The following COL4A1 variants were observed in gnomAD, a reference collection of about 807,000 sequenced individuals.
The protein encoded by COL4A1 is collagen alpha-1(IV) chain.
Under a neutral mutation model 216.6 loss-of-function variants are expected in COL4A1, and 40 were observed. That is an observed-to-expected ratio of 0.18 (90% CI 0.14 to 0.24). The LOEUF is 0.24. Ranked by LOEUF, COL4A1 falls within the 10% of genes least tolerant of loss-of-function variation. The pLI, the probability that COL4A1 is intolerant of heterozygous loss-of-function variation, is 1.00. For synonymous variants in COL4A1, 839 were observed against 810.7 expected (o/e 1.03, Z -0.59); for missense variants, 1,628 against 2,196.8 (o/e 0.74, Z 5.18).
At chr13:110,192,430 C>T in intron 23 of COL4A1, 146 bp from the exon 24 acceptor site, 1 of 825,440 alleles carries the variant, frequency 1.2e-6, no homozygotes. Context: ...AACTAAAATG[C>T]CCAAGACGGA....
intron 19 of COL4A1, 176 bp downstream of exon 19, chr13:110,201,258 GAGGA>G (rs1879185629): frequency 1.7e-6 from 1 of 571,988 alleles, no homozygotes; most frequent in African/African-American, 2.0e-5. Context: ...GGAGGAGGAA[GAGGA>G]GAAAGAGGAG....
Position 110,207,365 on chromosome 13 carries a change from T to C in COL4A1, c.780+38A>G. On this transcript the variant is annotated intron_variant, in intron 13 of 51. Transcript: ENST00000375820. This position sits in a 1 kb window ranked among gnomAD's most constrained non-coding sequence, Gnocchi z 4.4. ...TTTATCTTTTGGAATTTGTCCAAAA[T>C]TAGAAAATCAGTATTCACTGATGAA... The C allele has an allele frequency of 6.5e-7, 1 of 1,549,978 alleles. No individual in the cohort carries two copies. Among genetic ancestry groups the C allele is most frequent in the Non-Finnish European group, 8.9e-7 (1 of 1,121,444 alleles).
chr13:110,162,175 G>A (rs1004293546), intron 48 of COL4A1, 55 bp downstream of exon 48: 22 of 1,501,424 alleles, frequency 1.5e-5, no homozygotes, highest in East Asian at 4.5e-5. Context: ...ACTGCACACC[G>A]AAGGCACTCA....
At chr13:110,202,092 T>C (rs1879278310) in intron 18 of COL4A1, among the ~76,000 whole-genome samples, 1 of 152,176 alleles carries the variant, frequency 6.6e-6, no homozygotes. Context: ...TTTGTAATAG[T>C]TTGCCTGGCA....
rs1483877011 is a variant in COL4A1 at position 110,207,297 on chromosome 13, G to A, written c.780+106C>T. 1 of 966,496 alleles carries A rather than the reference G, an allele frequency of 1.0e-6. No homozygotes were observed. The allele number at this position is 966,496 out of a possible 1,614,324, so 59.9% of individuals were successfully genotyped here. A position where few individuals can be genotyped will look rare whatever the true frequency, so the allele number is the denominator to read the frequency against. ...TCTATAAATCTGTTTTCCAGACCAG[G>A]ATTGAATGTAGCTGGAAAAACTGAG... On this transcript the variant is annotated intron_variant, in intron 13 of 51. Transcript: ENST00000375820. This position sits in a 1 kb window ranked among gnomAD's most constrained non-coding sequence, Gnocchi z 4.4.
At position 110,211,778 on chromosome 13, in the gene COL4A1, T is replaced by C; in HGVS notation, c.441+91A>G. Reference sequence around the variant, plus strand: ...ATATAAAATATAAGTTATTAAAACATAAGCAAAGAAAGAAAGAAAAGGAAA... The same window carrying C: ...ATATAAAATATAAGTTATTAAAACACAAGCAAAGAAAGAAAGAAAAGGAAA... On this transcript the variant is annotated intron_variant, in intron 7 of 51. Transcript: ENST00000375820. This position sits in a 1 kb window ranked among gnomAD's most constrained non-coding sequence, Gnocchi z 4.3. The C allele has an allele frequency of 6.7e-7, 1 of 1,499,084 alleles. No individual in the cohort carries two copies. The highest frequency in any genetic ancestry group is 9.2e-7 in the Non-Finnish European group (1 of 1,087,902). 92.9% of individuals were successfully genotyped at this position (1,499,084 alleles called of 1,614,324 possible). A position where few individuals can be genotyped will look rare whatever the true frequency, so the allele number is the denominator to read the frequency against.
At chr13:110,177,767 G>A in intron 33 of COL4A1, 75 bp downstream of exon 33, 6 of 1,485,284 alleles carry the variant, frequency 4.0e-6, no homozygotes, top group Non-Finnish European at 5.6e-6. Context: ...TATGATCTAT[G>A]ACAACTTGAG....
At chr13:110,235,035 T>C (rs73613422) in intron 2 of COL4A1, among the ~76,000 whole-genome samples, 2,578 of 152,310 alleles carry the variant, frequency 0.017, 62 homozygotes, top group African/African-American at 0.058. Context: ...TTTTATGGTA[T>C]ATATTTCACA....
chr13:110,175,729 T>C (rs966074533), intron 36 of COL4A1, among the ~76,000 whole-genome samples: 6 of 152,234 alleles, frequency 3.9e-5, no homozygotes, highest in African/African-American at 1.2e-4. Flanking sequence ...ACAGGGACTA[T>C]GAGGCGGGCA....
chr13:110,181,403 T>TA lies in COL4A1; in HGVS notation c.2096-15_2096-14insT. 2 of 1,572,920 alleles carry TA rather than the reference T, an allele frequency of 1.3e-6. No homozygotes were observed. Among genetic ancestry groups the TA allele is most frequent in the Non-Finnish European group, 8.7e-7 (1 of 1,149,130 alleles). ...AGCCGTCAACACCTGTTTTAAAGAG[T>TA]CAAAAAAAAAAAACAAACAAACAAT... On this transcript the variant is annotated splice_polypyrimidine_tract_variant and intron_variant, in intron 28 of 51. Transcript: ENST00000375820.
chr13:110,166,327 T>C, intron 44 of COL4A1, 24 bp from the exon 45 acceptor site: 1 of 1,468,464 alleles, frequency 6.8e-7, no homozygotes, highest in Non-Finnish European at 9.5e-7. Flanking sequence ...GAAAGCACTG[T>C]CTTGCACAGA....
chr13:110,296,615 C>T (rs1197889375), intron 1 of COL4A1, among the ~76,000 whole-genome samples: 1 of 152,202 alleles, frequency 6.6e-6, no homozygotes, highest in East Asian at 1.9e-4. Flanking sequence ...GCAATCATTT[C>T]TTCAGGGGAG....
intron 1 of COL4A1, among the ~76,000 whole-genome samples, chr13:110,301,326 C>T (rs1175056979): frequency 6.6e-6 from 1 of 152,218 alleles, no homozygotes; most frequent in Non-Finnish European, 1.5e-5. Flanking sequence ...CTGTGTCGGG[C>T]ACTCTCCCAA....
chr13:110,161,071 A>G, intron 49 of COL4A1, 121 bp downstream of exon 49: 1 of 1,074,158 alleles, frequency 9.3e-7, no homozygotes, highest in South Asian at 1.4e-5. Flanking sequence ...GAATATCACA[A>G]ATAATAAGCT....
At chr13:110,163,737 G>A (rs1877193630) in intron 46 of COL4A1, among the ~76,000 whole-genome samples, 176 bp from the exon 47 acceptor site, 1 of 152,142 alleles carries the variant, frequency 6.6e-6, no homozygotes, top group African/African-American at 2.4e-5. Context: ...TACAGACTTT[G>A]CAGAAGCAGC....
intron 2 of COL4A1, among the ~76,000 whole-genome samples, chr13:110,220,364 G>A (rs1000212083): frequency 3.9e-5 from 6 of 152,116 alleles, no homozygotes; most frequent in Non-Finnish European, 5.9e-5. Flanking sequence ...AGGCAAAATG[G>A]TCTAACACAA....
Position 110,205,846 on chromosome 13 carries a change from G to C in COL4A1, c.859-308C>G, listed in dbSNP as rs542289518. On this transcript the variant is annotated intron_variant, in intron 15 of 51. Coordinates refer to ENST00000375820, the MANE Select transcript of COL4A1 (RefSeq NM_001845.6). ...CCATTGCACTCCAGCCTGGGCAACA[G>C]AGTGAGACTCTGTCTCAAATATATA... 3.3e-5 allele frequency among the ~76,000 whole-genome samples: 5 copies of C among 152,082 alleles called. No individual in the cohort carries two copies. In the South Asian group the frequency reaches 1.0e-3, roughly 32 times the overall value.
intron 1 of COL4A1, among the ~76,000 whole-genome samples, chr13:110,256,744 C>CGG (rs67359604): frequency 0.048 from 7,352 of 151,872 alleles, 598 homozygotes; most frequent in African/African-American, 0.17. Flanking sequence ...AGACCGGCGG[C>CGG]GGGGGGGTCT....
intron 1 of COL4A1, among the ~76,000 whole-genome samples, chr13:110,289,608 G>A (rs1319783605): frequency 6.6e-6 from 1 of 152,176 alleles, no homozygotes; most frequent in Non-Finnish European, 1.5e-5. Context: ...TTGCAGGTTC[G>A]TCCTTCACAG....
Sources: gnomAD v4.1 joint callset for allele counts (sites outside exome capture counted in the v4.1 genomes callset) on GRCh38, gnomAD v4.1.1 for gene constraint, Gnocchi (gnomAD v3.1) non-coding constraint, MANE v1.5 for transcripts, NCBI Gene and HGNC (gene_info 2026-07-23, HGNC 2026-07-21) for gene names.